Variants in FUT8 observed in about 807,000 individuals in gnomAD.
The protein encoded by FUT8 is fucosyltransferase 8.
In FUT8, 29 loss-of-function variants were observed where a neutral mutation model predicts 71.3. The ratio of observed to expected loss-of-function variants is 0.41; its 90% CI spans 0.30 to 0.55. FUT8 has a LOEUF of 0.55. Among genes scored for constraint, FUT8 ranks in the 20% least tolerant of loss-of-function variants. The pLI is 0.34. For synonymous variants in FUT8, 254 were observed against 239.3 expected (o/e 1.06, Z -0.57); for missense variants, 544 against 702.1 (o/e 0.77, Z 2.55).
At chr14:65,363,804 AC>A in the FUT8 span, among the ~76,000 whole-genome samples, 8 of 152,290 alleles carry the variant, frequency 5.3e-5, 1 homozygote, top group South Asian at 1.5e-3. Context: ...CTCAGGTTTT[AC>A]CACTTCTTTG....
At chr14:65,571,259 G>A (rs1436215206) in intron 3 of FUT8, among the ~76,000 whole-genome samples, 1 of 152,146 alleles carries the variant, frequency 6.6e-6, no homozygotes, top group Admixed American at 6.6e-5. Context: ...GGTTGAACTT[G>A]ATGTGCTTGC....
Position 65,724,199 on chromosome 14 carries a change from A to G in FUT8, c.1135A>G (p.Ile379Val). ...KVGTEAAFHPIEEYMVHVEEH... is the reference protein window; with the variant it reads ...KVGTEAAFHPVEEYMVHVEEH... ...GGGAACAGAAGCTGCCTTCCATCCC[A>G]TTGAAGAGTACATGGTGCATGTTGA... Residue 379 changes from isoleucine to valine, a missense_variant, in exon 9 of 11, where the codon ATT (isoleucine) becomes GTT (valine). Transcript: ENST00000673929. 10 of 1,610,592 alleles carry G rather than the reference A, an allele frequency of 6.2e-6. No individual in the cohort carries two copies. Among genetic ancestry groups the G allele is most frequent in the Non-Finnish European group, 8.5e-6 (10 of 1,179,256 alleles).
chr14:65,383,265 C>CTTTTTTTTTT, the FUT8 span, among the ~76,000 whole-genome samples: 81 of 86,530 alleles, frequency 9.4e-4, no homozygotes, highest in Non-Finnish European at 1.5e-3. Flanking sequence ...TTTTTCTTTT[C>CTTTTTTTTTT]TTTTTTTTTT....
intron 6 of FUT8, among the ~76,000 whole-genome samples, chr14:65,663,024 T>A (rs1190422924): frequency 6.6e-6 from 1 of 152,138 alleles, no homozygotes; most frequent in African/African-American, 2.4e-5. Context: ...AATCTCATAT[T>A]ATAAAATATA....
At chr14:65,681,586 T>C (rs975369786) in intron 7 of FUT8, among the ~76,000 whole-genome samples, 2 of 152,238 alleles carry the variant, frequency 1.3e-5, no homozygotes, top group African/African-American at 4.8e-5. Flanking sequence ...AAAATATTTT[T>C]GCATTTAAAA....
intron 2 of FUT8, chr14:65,458,087 C>T (rs1446657746): frequency 6.7e-6 from 1 of 149,868 alleles, no homozygotes; most frequent in Non-Finnish European, 1.5e-5. Flanking sequence ...GAGGCTGAGG[C>T]AGGAGAATGG....
At position 65,674,060 on chromosome 14, in the gene FUT8, G is replaced by A. The variant is rs186586853; in HGVS notation, c.835+4580G>A. On this transcript the variant is annotated intron_variant, in intron 7 of 10. Coordinates refer to ENST00000673929, the MANE Select transcript of FUT8 (RefSeq NM_001371533.1). The stretch of plus-strand genomic sequence containing the variant: ...GTATCCTTAATAAGGATTGACGTCA[G>A]GTAGACTAATTTATAAACTGATATT... Among the ~76,000 whole-genome samples, 431 of 152,068 alleles carry A rather than the reference G, an allele frequency of 2.8e-3. 2 individuals carry two copies. Among genetic ancestry groups the A allele is most frequent in the African/African-American group, 9.9e-3 (410 of 41,488 alleles).
intron 7 of FUT8, among the ~76,000 whole-genome samples, chr14:65,693,419 A>C (rs1229353037): frequency 6.6e-6 from 1 of 152,196 alleles, no homozygotes; most frequent in African/African-American, 2.4e-5. Flanking sequence ...AGGCAGGAGA[A>C]TCAGGCAGGG....
intron 1 of FUT8, among the ~76,000 whole-genome samples, chr14:65,451,551 G>A (rs1289801674): frequency 6.6e-6 from 1 of 152,236 alleles, no homozygotes; most frequent in Non-Finnish European, 1.5e-5. Context: ...GAGGCCAAAG[G>A]GCCACTGTGA....
At chr14:65,737,687 CT>C in intron 10 of FUT8, among the ~76,000 whole-genome samples, 1 of 152,068 alleles carries the variant, frequency 6.6e-6, no homozygotes, top group African/African-American at 2.4e-5. Flanking sequence ...ACTTTAAAGA[CT>C]AACATTGTTA....
intron 2 of FUT8, among the ~76,000 whole-genome samples, chr14:65,462,783 G>C (rs142318176): frequency 1.3e-5 from 2 of 152,314 alleles, no homozygotes; most frequent in East Asian, 3.9e-4. Flanking sequence ...AGTTACAAAT[G>C]AACAATGACT....
At chr14:65,605,554 G>A (rs779534802) in intron 3 of FUT8, among the ~76,000 whole-genome samples, 24 of 152,000 alleles carry the variant, frequency 1.6e-4, no homozygotes, top group Non-Finnish European at 3.2e-4. Context: ...TGAGGATACA[G>A]TTGAGAAGAG....
At chr14:65,658,809 G>A (rs1169750668) in intron 6 of FUT8, among the ~76,000 whole-genome samples, 1 of 151,986 alleles carries the variant, frequency 6.6e-6, no homozygotes, top group Non-Finnish European at 1.5e-5. Context: ...TGCTTTGATG[G>A]TACAGCTTGT....
chr14:65,366,556 C>G, the FUT8 span, among the ~76,000 whole-genome samples: 32 of 152,250 alleles, frequency 2.1e-4, no homozygotes, highest in Non-Finnish European at 3.7e-4. Flanking sequence ...GAGTATTCAG[C>G]CTATACCCTA....
chr14:65,631,929 A>G (rs562291299), intron 6 of FUT8, among the ~76,000 whole-genome samples: 1 of 151,916 alleles, frequency 6.6e-6, no homozygotes, highest in East Asian at 1.9e-4. Context: ...TAGCTCCCAC[A>G]TATCAGTGAG....
chr14:65,692,224 CG>C (rs1191641975), intron 7 of FUT8, among the ~76,000 whole-genome samples: 1 of 149,002 alleles, frequency 6.7e-6, no homozygotes, highest in Admixed American at 6.6e-5. Context: ...GCTGGCCAGG[CG>C]GGGGGCTGAC....
chr14:65,509,528 A>G (rs944619928), intron 2 of FUT8, among the ~76,000 whole-genome samples: 1 of 152,122 alleles, frequency 6.6e-6, no homozygotes, highest in Non-Finnish European at 1.5e-5. Flanking sequence ...CGTTTTAACA[A>G]TATTGATTCT....
intron 2 of FUT8, among the ~76,000 whole-genome samples, chr14:65,488,938 A>G (rs990973240): frequency 6.6e-6 from 1 of 152,148 alleles, no homozygotes; most frequent in Non-Finnish European, 1.5e-5. Flanking sequence ...AATAGAAAAA[A>G]AACAACCTGA....
chr14:65,426,134 C>T (rs2065383435), intron 1 of FUT8, among the ~76,000 whole-genome samples: 1 of 152,082 alleles, frequency 6.6e-6, no homozygotes, highest in South Asian at 2.1e-4. Context: ...CAGCCCTTGG[C>T]AACCACCATT....
Sources: gnomAD v4.1 joint callset for allele counts (sites outside exome capture counted in the v4.1 genomes callset) on GRCh38, gnomAD v4.1.1 for gene constraint, MANE v1.5 for transcripts, NCBI Gene and HGNC (gene_info 2026-07-23, HGNC 2026-07-21) for gene names.